SAMSN1: variants seen among roughly 807,000 people sequenced by gnomAD.
The protein encoded by SAMSN1 is SAM domain-containing protein SAMSN-1.
In SAMSN1, 31 loss-of-function variants were observed where a neutral mutation model predicts 42.0. The observed-to-expected ratio is 0.74, with a 90% CI of 0.55 to 1.00. The LOEUF (loss-of-function observed/expected upper bound fraction) is 1.00, where lower values mean the gene tolerates loss of function less well. SAMSN1 is among the 50% of genes least tolerant of loss of function. SAMSN1 has a pLI of 0.00. For synonymous variants in SAMSN1, 178 were observed against 151.9 expected (o/e 1.17, Z -1.26); for missense variants, 464 against 439.4 (o/e 1.06, Z -0.50).
chr21:14,498,072 G>T (rs988092090), intron 7 of SAMSN1, among the ~76,000 whole-genome samples: 1 of 152,156 alleles, frequency 6.6e-6, no homozygotes, highest in Non-Finnish European at 1.5e-5. Flanking sequence ...GCCTCGTGTT[G>T]TTCTACAGAA....
intron 2 of SAMSN1, among the ~76,000 whole-genome samples, chr21:14,627,129 G>T (rs1983200284): frequency 6.6e-6 from 1 of 152,210 alleles, no homozygotes; most frequent in African/African-American, 2.4e-5. Context: ...GCCTGTCATG[G>T]GGTGGGGGTA....
chr21:14,540,376 T>A (rs1979932922), intron 1 of SAMSN1, among the ~76,000 whole-genome samples: 1 of 151,858 alleles, frequency 6.6e-6, no homozygotes, highest in Non-Finnish European at 1.5e-5. Context: ...TGGGAGAAAA[T>A]TTTTGCAATC....
intron 2 of SAMSN1, among the ~76,000 whole-genome samples, chr21:14,625,954 G>C (rs1257737377): frequency 1.3e-5 from 2 of 152,150 alleles, no homozygotes; most frequent in Non-Finnish European, 2.9e-5. Flanking sequence ...GAACAGAACT[G>C]AGACCTCTGA....
chr21:14,532,280 A>C (rs1443074075), intron 1 of SAMSN1, among the ~76,000 whole-genome samples: 1 of 152,212 alleles, frequency 6.6e-6, no homozygotes, highest in African/African-American at 2.4e-5. Context: ...CATAAAGCTT[A>C]TAAACATTCC....
intron 6 of SAMSN1, among the ~76,000 whole-genome samples, chr21:14,599,613 G>T (rs1982375587): frequency 6.6e-6 from 1 of 152,108 alleles, no homozygotes. Context: ...TCCCTCAGTG[G>T]TGAGTTCTCA....
At position 14,517,067 on chromosome 21, in the gene SAMSN1, C is replaced by T. The variant is rs1987953626; in HGVS notation, c.130-26G>A. ...CTAGTTTAGAATTGTTTACAAAAGA[C>T]AAAATAATAAAGCAATAAAAAACAT... On this transcript the variant is annotated intron_variant, in intron 2 of 7. Transcript: ENST00000400566. 18 of 1,576,188 alleles carry T rather than the reference C, an allele frequency of 1.1e-5. No individual in the cohort carries two copies. The South Asian group carries it at 1.6e-4, about 14-fold the overall frequency.
chr21:14,577,284 A>ATATATTTT (rs1460040142), intron 2 of SAMSN1, among the ~76,000 whole-genome samples: 4 of 53,860 alleles, frequency 7.4e-5, no homozygotes, highest in African/African-American at 2.5e-4. Flanking sequence ...ATATATATAT[A>ATATATTTT]TTTTTTTTTT....
intron 2 of SAMSN1, among the ~76,000 whole-genome samples, chr21:14,566,176 T>C (rs929781410): frequency 6.6e-6 from 1 of 152,212 alleles, no homozygotes; most frequent in South Asian, 2.1e-4. Flanking sequence ...TTTTCTCCAC[T>C]TGCATCTGAA....
intron 2 of SAMSN1, among the ~76,000 whole-genome samples, chr21:14,627,578 G>A (rs144886880): frequency 6.6e-6 from 1 of 152,122 alleles, no homozygotes; most frequent in African/African-American, 2.4e-5. Context: ...ACACATACTT[G>A]TACTTTGAAA....
At chr21:14,654,541 G>A (rs1193824578) in intron 1 of SAMSN1, among the ~76,000 whole-genome samples, 1 of 151,952 alleles carries the variant, frequency 6.6e-6, no homozygotes, top group East Asian at 1.9e-4. Flanking sequence ...ACTCCATGAT[G>A]GAAATACAGG....
At chr21:14,493,861 T>C (rs1986799198) in intron 7 of SAMSN1, among the ~76,000 whole-genome samples, 1 of 152,154 alleles carries the variant, frequency 6.6e-6, no homozygotes, top group African/African-American at 2.4e-5. Flanking sequence ...AAATTCCAAA[T>C]ATCTATGCTG....
Position 14,510,398 on chromosome 21 carries a change from CCAT to C in SAMSN1, c.470_472del (p.Asp157del), listed in dbSNP as rs1987635674. 6.2e-7 allele frequency: 1 copy of C among 1,614,010 alleles called. No homozygotes were observed. On this transcript the variant is annotated inframe_deletion, in exon 5 of 8. Transcript: ENST00000400566. ...GCCACAGAATGGTCCTGAATAGGGG[CCAT>C]CGTCATCCAGTCGAAAGCTGTCCCG...
At chr21:14,520,383 AT>A (rs1978377890) in intron 2 of SAMSN1, among the ~76,000 whole-genome samples, 1 of 152,224 alleles carries the variant, frequency 6.6e-6, no homozygotes, top group African/African-American at 2.4e-5. Context: ...CTATCAAATA[AT>A]GTGTATAAAT....
exon 2 of SAMSN1, chr21:14,582,139 T>G (rs1981752195): frequency 3.9e-6 from 6 of 1,541,924 alleles, no homozygotes; most frequent in Non-Finnish European, 5.3e-6. Flanking sequence ...AACTTACCCA[T>G]GAATGTAGGA....
intron 1 of SAMSN1, among the ~76,000 whole-genome samples, chr21:14,538,011 C>T (rs779728163): frequency 3.9e-5 from 6 of 152,098 alleles, no homozygotes; most frequent in African/African-American, 1.4e-4. Context: ...CCTGACTTGT[C>T]TTATTTGGTT....
At chr21:14,521,277 A>T in intron 1 of SAMSN1, 56 bp from the exon 2 acceptor site, 1 of 1,144,142 alleles carries the variant, frequency 8.7e-7, no homozygotes, top group Non-Finnish European at 1.3e-6. Flanking sequence ...TCACTGTCCA[A>T]ACTGATAAGT....
chr21:14,510,655 C>A (rs755994237), intron 4 of SAMSN1, among the ~76,000 whole-genome samples, 194 bp from the exon 5 acceptor site: 3 of 148,180 alleles, frequency 2.0e-5, no homozygotes, highest in Admixed American at 1.3e-4. Context: ...CCATTTCGAA[C>A]CTTTTTCCTG....
intron 7 of SAMSN1, chr21:14,593,860 G>C: frequency 2.0e-6 from 1 of 488,144 alleles, no homozygotes; most frequent in Non-Finnish European, 3.7e-6. Context: ...GTAAGGACAA[G>C]CCTCTATTTA....
chr21:14,640,741 T>G (rs1277167034), intron 2 of SAMSN1, among the ~76,000 whole-genome samples: 1 of 152,096 alleles, frequency 6.6e-6, no homozygotes, highest in Admixed American at 6.5e-5. Context: ...TTAATAATAC[T>G]TTGATGGGAA....
Sources: gnomAD v4.1 joint callset for allele counts (sites outside exome capture counted in the v4.1 genomes callset) on GRCh38, gnomAD v4.1.1 for gene constraint, MANE v1.5 for transcripts, NCBI Gene and HGNC (gene_info 2026-07-23, HGNC 2026-07-21) for gene names.